TNNI3K: variants seen among roughly 807,000 people sequenced by gnomAD.
The protein encoded by TNNI3K is serine/threonine-protein kinase TNNI3K.
A neutral mutation model predicts 114.5 loss-of-function variants in TNNI3K; 140 were observed. The observed-to-expected ratio is 1.22, with a 90% CI of 1.07 to 1.41. The LOEUF (loss-of-function observed/expected upper bound fraction) is 1.41, where lower values mean the gene tolerates loss of function less well. Ranked by LOEUF, TNNI3K falls within the 40% of genes most tolerant of loss-of-function variation. The pLI, the probability that TNNI3K is intolerant of heterozygous loss-of-function variation, is 0.00. For missense variants in TNNI3K, 1,125 were observed against 1,007.6 expected (o/e 1.12, Z -1.58); for synonymous variants, 347 against 347.5 (o/e 1.00, Z 0.02).
chr1:74,479,180 A>G lies in TNNI3K; in HGVS notation c.2122-10009A>G, dbSNP rs376524516. On this transcript the variant is annotated intron_variant, in intron 21 of 24. Transcript: ENST00000326637. Reference sequence around the variant, plus strand: ...TTTCTCTCCCCACCCCCTCATCACCATGGTTACCCACAGGTGCAGAGGATT... The same window carrying G: ...TTTCTCTCCCCACCCCCTCATCACCGTGGTTACCCACAGGTGCAGAGGATT... Among the ~76,000 whole-genome samples, 99 of 152,154 alleles carry G rather than the reference A, an allele frequency of 6.5e-4. 1 individual carries two copies. In the East Asian group the frequency reaches 0.019, roughly 28 times the overall value.
chr1:74,288,279 G>A (rs1056898338), intron 5 of TNNI3K, among the ~76,000 whole-genome samples: 5 of 152,024 alleles, frequency 3.3e-5, no homozygotes, highest in African/African-American at 1.2e-4. Flanking sequence ...TAAAAATGGT[G>A]TCTCATTCTA....
chr1:74,429,405 C>T (rs763377459), intron 17 of TNNI3K, among the ~76,000 whole-genome samples: 34 of 152,240 alleles, frequency 2.2e-4, no homozygotes, highest in Non-Finnish European at 3.8e-4. Context: ...ATGTGAATTG[C>T]ACCTCAAGGG....
chr1:74,306,488 C>G (rs1658642323), intron 5 of TNNI3K, among the ~76,000 whole-genome samples: 1 of 152,178 alleles, frequency 6.6e-6, no homozygotes, highest in Non-Finnish European at 1.5e-5. Flanking sequence ...AATTTACATT[C>G]CCACCAACAG....
chr1:74,396,047 C>G (rs1664060978), intron 17 of TNNI3K, among the ~76,000 whole-genome samples: 1 of 152,154 alleles, frequency 6.6e-6, no homozygotes, highest in Non-Finnish European at 1.5e-5. Flanking sequence ...AGTGAATTAA[C>G]CCTCATGCTC....
intron 23 of TNNI3K, among the ~76,000 whole-genome samples, chr1:74,525,960 A>G (rs1514175): frequency 0.48 from 72,491 of 152,098 alleles, 18,225 homozygotes; most frequent in Non-Finnish European, 0.57. Flanking sequence ...AGGGTCTGAC[A>G]GCAAAGAATA....
intron 21 of TNNI3K, among the ~76,000 whole-genome samples, chr1:74,484,253 T>C (rs1668644519): frequency 6.6e-6 from 1 of 150,616 alleles, no homozygotes. Flanking sequence ...TAAAACCCTC[T>C]ACCTATATAA....
rs74520404 is a variant in TNNI3K, at chr1:74,282,266, G to A, written c.444+10558G>A. ...CTGCTACTGCTACCATGGCCCATCT[G>A]CTACTTATCACTTGTTCATGTACAA... On this transcript the variant is annotated intron_variant, in intron 5 of 24. Transcript: ENST00000326637. 5.3e-5 allele frequency among the ~76,000 whole-genome samples: 8 copies of A among 152,074 alleles called. No individual in the cohort carries two copies. The East Asian group carries it at 1.6e-3, about 30-fold the overall frequency.
chr1:74,492,326 A>G, intron 23 of TNNI3K, 60 bp downstream of exon 23: 1 of 1,399,584 alleles, frequency 7.1e-7, no homozygotes, highest in Non-Finnish European at 9.4e-7. Flanking sequence ...TTATCAAGAC[A>G]GTCAACTGAT....
chr1:74,413,241 C>T (rs1191300856), intron 17 of TNNI3K, among the ~76,000 whole-genome samples: 4 of 152,038 alleles, frequency 2.6e-5, no homozygotes, highest in Middle Eastern at 3.4e-3. Flanking sequence ...AAATAAAAGT[C>T]GATACACTCA....
intron 23 of TNNI3K, among the ~76,000 whole-genome samples, chr1:74,507,229 C>CCA (rs1553153845): frequency 7.2e-6 from 1 of 139,478 alleles, no homozygotes; most frequent in Admixed American, 7.3e-5. Context: ...CTTCACCCCC[C>CCA]CCCCATCTTT....
chr1:74,520,984 T>C (rs45591039), intron 23 of TNNI3K, among the ~76,000 whole-genome samples: 6,241 of 152,204 alleles, frequency 0.041, 408 homozygotes, highest in African/African-American at 0.14. Context: ...CCTGTGGCAG[T>C]GTAGGGGTCC....
intron 19 of TNNI3K, among the ~76,000 whole-genome samples, chr1:74,437,673 G>A (rs1037226496): frequency 6.6e-6 from 1 of 151,918 alleles, no homozygotes; most frequent in Non-Finnish European, 1.5e-5. Context: ...AGTTTATGAG[G>A]TAAGGGAGGT....
At chr1:74,401,224 A>G (rs1175752410) in intron 17 of TNNI3K, among the ~76,000 whole-genome samples, 1 of 152,236 alleles carries the variant, frequency 6.6e-6, no homozygotes, top group Non-Finnish European at 1.5e-5. Flanking sequence ...CATATGACAC[A>G]TCAAATGCCA....
chr1:74,262,047 C>A (rs1655707359), intron 4 of TNNI3K, among the ~76,000 whole-genome samples: 1 of 151,926 alleles, frequency 6.6e-6, no homozygotes, highest in East Asian at 1.9e-4. Context: ...GTATTAATAT[C>A]TTTTATCCTG....
chr1:74,383,406 C>T lies in TNNI3K; in HGVS notation c.1772+13014C>T, dbSNP rs114791875. On this transcript the variant is annotated intron_variant, in intron 17 of 24. Transcript: ENST00000326637. ...TATAGCTCTTAATACATGCTATTCCCTCAGACACAAACATTCGCCCCTGCC... is the reference window on the plus strand; with the variant it reads ...TATAGCTCTTAATACATGCTATTCCTTCAGACACAAACATTCGCCCCTGCC... 2.5e-3 allele frequency among the ~76,000 whole-genome samples: 376 copies of T among 152,144 alleles called. 1 individual carries two copies. Among genetic ancestry groups the T allele is most frequent in the Non-Finnish European group, 4.0e-3 (271 of 68,004 alleles).
chr1:74,369,738 C>A, intron 16 of TNNI3K, 153 bp downstream of exon 16: 1 of 821,716 alleles, frequency 1.2e-6, no homozygotes, highest in East Asian at 3.0e-5. Flanking sequence ...ATAATTTATG[C>A]CTAATAACTG....
chr1:74,517,706 A>C (rs1646369113), intron 23 of TNNI3K, among the ~76,000 whole-genome samples: 1 of 152,210 alleles, frequency 6.6e-6, no homozygotes, highest in Admixed American at 6.5e-5. Flanking sequence ...AAAGAGTACG[A>C]CTGGTAAACC....
intron 23 of TNNI3K, among the ~76,000 whole-genome samples, chr1:74,530,231 G>C (rs1369902894): frequency 6.6e-6 from 1 of 152,178 alleles, no homozygotes; most frequent in Non-Finnish European, 1.5e-5. Context: ...CATTGTGCTT[G>C]ATAAAAAGCC....
intron 23 of TNNI3K, among the ~76,000 whole-genome samples, chr1:74,522,972 A>C (rs1457973917): frequency 6.6e-6 from 1 of 152,208 alleles, no homozygotes; most frequent in Non-Finnish European, 1.5e-5. Context: ...AAGAATCCAA[A>C]TTACTAATGA....
Sources: allele counts gnomAD v4.1 joint callset (sites outside exome capture counted in the v4.1 genomes callset), GRCh38; gene constraint gnomAD v4.1.1; transcripts MANE v1.5; gene names NCBI Gene and HGNC (gene_info 2026-07-23, HGNC 2026-07-21).